GLB1: variants seen among roughly 807,000 people sequenced by gnomAD.
The protein encoded by GLB1 is beta-galactosidase.
GLB1 carries 56 observed loss-of-function variants against 74.0 expected under a neutral mutation model. That is an observed-to-expected ratio of 0.76 (90% CI 0.61 to 0.94). GLB1 has a LOEUF of 0.94. GLB1 is among the 40% of genes least tolerant of loss of function. The probability of loss-of-function intolerance (pLI) is 0.00; values close to 1 mark genes in which losing one functional copy is unlikely to be tolerated. For missense variants in GLB1, 787 were observed against 845.5 expected (o/e 0.93, Z 0.86); for synonymous variants, 323 against 323.6 (o/e 1.00, Z 0.02).
intron 15 of GLB1, among the ~76,000 whole-genome samples, chr3:33,002,349 C>CG (rs1696610980): frequency 8.1e-6 from 1 of 123,096 alleles, no homozygotes; most frequent in African/African-American, 2.9e-5. Flanking sequence ...CCCTCCCTCC[C>CG]TTCCTTCCTT....
intron 15 of GLB1, among the ~76,000 whole-genome samples, chr3:33,003,543 G>A (rs745484062): frequency 1.8e-4 from 28 of 152,178 alleles, no homozygotes; most frequent in African/African-American, 5.1e-4. Context: ...CAAAGTTCAC[G>A]GGACTTGTGC....
rs886058340 is a variant in GLB1, at chr3:32,996,851, G to T, written c.*194C>A. On this transcript the variant is annotated 3_prime_UTR_variant, in exon 16 of 16. Coordinates refer to ENST00000307363, the MANE Select transcript of GLB1 (RefSeq NM_000404.4). ...ATGTATGCACGTTACTGTGCTGTCA[G>T]CCCCTCACACATTCCAGGTGGTCCC... 1.1e-6 allele frequency: 1 copy of T among 924,190 alleles called. No homozygotes were observed. Among genetic ancestry groups the T allele is most frequent in the Non-Finnish European group, 1.6e-6 (1 of 617,110 alleles). The allele number at this position is 924,190 out of a possible 1,614,324, so 57.2% of individuals were successfully genotyped here. A position where few individuals can be genotyped will look rare whatever the true frequency, so the allele number is the denominator to read the frequency against.
At chr3:33,077,527 C>A in intron 1 of GLB1, 1 of 725,168 alleles carries the variant, frequency 1.4e-6, no homozygotes. Flanking sequence ...GAACTCTGTT[C>A]TTTACAGACC....
chr3:33,039,825 T>C (rs1011894270), intron 10 of GLB1, among the ~76,000 whole-genome samples: 42 of 152,182 alleles, frequency 2.8e-4, no homozygotes, highest in Non-Finnish European at 1.0e-4. Context: ...AGGCATACCA[T>C]AGGAAAATTC....
chr3:33,077,168 T>C (rs1700143472), intron 1 of GLB1: 6 of 1,460,148 alleles, frequency 4.1e-6, no homozygotes, highest in Non-Finnish European at 4.6e-6. Context: ...TTGGTACCTC[T>C]TTTGTGAAGC....
chr3:32,980,819 A>G, the GLB1 span, among the ~76,000 whole-genome samples: 1 of 151,714 alleles, frequency 6.6e-6, no homozygotes, highest in African/African-American at 2.4e-5. Flanking sequence ...GGCTAGGCGC[A>G]GTGGCTCACG....
At chr3:32,987,162 A>G in the GLB1 span, among the ~76,000 whole-genome samples, 5 of 152,192 alleles carry the variant, frequency 3.3e-5, no homozygotes, top group African/African-American at 1.2e-4. Flanking sequence ...CCTGCGGCCA[A>G]TGGCTGGCTG....
At chr3:33,048,224 G>A (rs1698822404) in intron 9 of GLB1, among the ~76,000 whole-genome samples, 5 of 152,128 alleles carry the variant, frequency 3.3e-5, no homozygotes, top group African/African-American at 1.2e-4. Flanking sequence ...AGCCCAGGCT[G>A]GGAAGCTGTC....
At chr3:33,053,681 A>C in intron 6 of GLB1, 132 bp from the exon 7 acceptor site, 451 of 1,222,308 alleles carry the variant, frequency 3.7e-4, no homozygotes, top group Non-Finnish European at 4.9e-4. Flanking sequence ...CAAAATTCTC[A>C]TGTTGGAACT....
At chr3:33,066,316 A>G (rs1044779141) in intron 4 of GLB1, among the ~76,000 whole-genome samples, 1 of 152,210 alleles carries the variant, frequency 6.6e-6, no homozygotes, top group African/African-American at 2.4e-5. Flanking sequence ...TCATGGATTA[A>G]TAGATTAATA....
rs57833238 is a variant in GLB1 at position 33,018,285 on chromosome 3, C to CAAAA, written c.1347+159_1347+162dup. On this transcript the variant is annotated intron_variant, in intron 13 of 15. Transcript: ENST00000307363. ...TGGGCAACAGAGCAAAACCCTGTCT[C>CAAAA]AAAAAAAAAAAAAAAAAAAAAAAAA... 1.5e-3 allele frequency among the ~76,000 whole-genome samples: 64 copies of CAAAA among 41,992 alleles called. 7 individuals are homozygous for CAAAA. The highest frequency in any genetic ancestry group is 3.6e-3 in the African/African-American group (30 of 8,244). The allele number at this position is 41,992 out of a possible 152,430, so 27.5% of individuals were successfully genotyped here. A position where few individuals can be genotyped will look rare whatever the true frequency, so the allele number is the denominator to read the frequency against.
At chr3:33,058,348 T>TA in intron 5 of GLB1, 79 bp from the exon 6 acceptor site, 1 of 1,584,572 alleles carries the variant, frequency 6.3e-7, no homozygotes, top group Non-Finnish European at 8.6e-7. Context: ...TGTGGGAAAA[T>TA]ATCTGAGCAT....
At chr3:32,979,870 A>AAAAAG in the GLB1 span, among the ~76,000 whole-genome samples, 1 of 137,326 alleles carries the variant, frequency 7.3e-6, no homozygotes, top group Non-Finnish European at 1.6e-5. Context: ...AAAAAAAAAA[A>AAAAAG]AAAAAAAAGA....
Position 33,072,544 on chromosome 3 carries a change from G to T in GLB1, c.245C>A (p.Thr82Lys). 2 of 1,613,082 alleles carry T rather than the reference G, an allele frequency of 1.2e-6. No homozygotes were observed. The highest frequency in any genetic ancestry group is 1.3e-5 in the African/African-American group (1 of 75,004). ...GAGAGCCACATGCCCTCCTACTTAC[G>T]TCTGGATGGCGTTCAGCCCAGCCAT... is the stretch of plus-strand genomic sequence containing the variant. ...MKMAGLNAIQ[T>K]YVPWNFHEPW... Residue 82 changes from threonine to lysine, a missense_variant and splice_region_variant, in exon 2 of 16, where the codon ACG becomes AAG. Thr to Lys is a moderately conservative substitution (Grantham distance 78). Transcript: ENST00000307363.
At chr3:33,046,600 C>T (rs1698752437) in intron 9 of GLB1, among the ~76,000 whole-genome samples, 1 of 152,174 alleles carries the variant, frequency 6.6e-6, no homozygotes, top group Non-Finnish European at 1.5e-5. Flanking sequence ...TGACCCCCAT[C>T]TCTGACTGTT....
At chr3:33,089,137 A>G (rs966519036) in intron 1 of GLB1, among the ~76,000 whole-genome samples, 3 of 152,246 alleles carry the variant, frequency 2.0e-5, no homozygotes, top group Non-Finnish European at 4.4e-5. Flanking sequence ...TTAATTCAAT[A>G]TGGGTTAAAG....
chr3:33,038,826 T>G (rs1379441198), intron 10 of GLB1, among the ~76,000 whole-genome samples: 1 of 152,194 alleles, frequency 6.6e-6, no homozygotes, highest in Non-Finnish European at 1.5e-5. Context: ...CCTGATTGCA[T>G]GAAGATGATC....
the GLB1 span, among the ~76,000 whole-genome samples, chr3:32,977,895 AT>A: frequency 2.6e-5 from 4 of 152,066 alleles, no homozygotes; most frequent in African/African-American, 9.7e-5. Context: ...AGCCCACAGA[AT>A]TTTTTGCCAA....
downstream of GLB1, among the ~76,000 whole-genome samples, chr3:32,995,549 C>A (rs75506469): frequency 8.6e-4 from 131 of 152,158 alleles, 1 homozygote; most frequent in African/African-American, 3.1e-3. Flanking sequence ...GCAGCTGGCT[C>A]AACCTGTGTT....
Sources: allele counts gnomAD v4.1 joint callset (sites outside exome capture counted in the v4.1 genomes callset), GRCh38; gene constraint gnomAD v4.1.1; transcripts MANE v1.5; gene names NCBI Gene and HGNC (gene_info 2026-07-23, HGNC 2026-07-21).